RERE: variants seen among roughly 807,000 people sequenced by gnomAD.
The protein encoded by RERE is arginine-glutamic acid dipeptide repeats, also known as arginine-glutamic acid dipeptide repeats protein.
Under a neutral mutation model 146.1 loss-of-function variants are expected in RERE, and 40 were observed. The ratio of observed to expected loss-of-function variants is 0.27; its 90% CI spans 0.21 to 0.36. The LOEUF is 0.36. Ranked by LOEUF, RERE falls within the 10% of genes least tolerant of loss-of-function variation. RERE has a pLI of 1.00. For synonymous variants in RERE, 1,003 were observed against 866.0 expected (o/e 1.16, Z -2.78); for missense variants, 1,933 against 2,138.7 (o/e 0.90, Z 1.90).
At chr1:8,759,256 T>C (rs1310855421) in intron 1 of RERE, among the ~76,000 whole-genome samples, 2 of 152,242 alleles carry the variant, frequency 1.3e-5, no homozygotes, top group African/African-American at 4.8e-5. Flanking sequence ...ACATTAACTG[T>C]AGAATCCTTT....
At chr1:8,389,325 T>C (rs1282546242) in intron 12 of RERE, among the ~76,000 whole-genome samples, 4 of 152,162 alleles carry the variant, frequency 2.6e-5, no homozygotes, top group South Asian at 2.1e-4. Flanking sequence ...AAAAACTAAA[T>C]ACATACACGG....
chr1:8,791,918 A>G (rs918997360), intron 1 of RERE, among the ~76,000 whole-genome samples: 4 of 152,194 alleles, frequency 2.6e-5, no homozygotes, highest in Non-Finnish European at 5.9e-5. Flanking sequence ...CATCAACAGA[A>G]CAGGTGAAGC....
chr1:8,504,657 G>A (rs911506709), intron 8 of RERE, among the ~76,000 whole-genome samples: 1 of 152,152 alleles, frequency 6.6e-6, no homozygotes, highest in Admixed American at 6.5e-5. Context: ...TTCGAGATCA[G>A]CCTGGCCAAC....
Position 8,359,886 on chromosome 1 carries a change from C to A in RERE, c.3496G>T (p.Ala1166Ser). 3.1e-6 allele frequency: 5 copies of A among 1,613,152 alleles called. No individual in the cohort carries two copies. Among genetic ancestry groups the A allele is most frequent in the Non-Finnish European group, 4.2e-6 (5 of 1,180,038 alleles). Residue 1166 changes from alanine (A) to serine (S), a missense_variant, in exon 19 of 23, where the codon GCC becomes TCC. This residue lies in a region of RERE where 1,255 missense variants were observed against 1,153.8 expected (regional missense o/e 1.09). Transcript: ENST00000400908. ...GCCTCGCGCTTGGCCTTCTCAATGGCCTCCTCCCTCTTCTTGGCCAGCTTG... is the reference window on the plus strand; with the variant it reads ...GCCTCGCGCTTGGCCTTCTCAATGGACTCCTCCCTCTTCTTGGCCAGCTTG... Reference protein sequence around the residue: ...GSKLAKKREEAIEKAKREAEQ... With the variant: ...GSKLAKKREESIEKAKREAEQ...
chr1:8,686,344 T>C (rs1395043404), intron 1 of RERE, among the ~76,000 whole-genome samples: 1 of 152,184 alleles, frequency 6.6e-6, no homozygotes, highest in East Asian at 1.9e-4. Context: ...TCAACAAATA[T>C]TTATCAGACA....
At chr1:8,810,272 T>C (rs1444916809) in intron 1 of RERE, among the ~76,000 whole-genome samples, 1 of 151,560 alleles carries the variant, frequency 6.6e-6, no homozygotes, top group East Asian at 1.9e-4. Flanking sequence ...AGTGCTGGGA[T>C]TACAGGCATG....
At chr1:8,804,770 C>T (rs1370875481) in intron 1 of RERE, among the ~76,000 whole-genome samples, 1 of 151,590 alleles carries the variant, frequency 6.6e-6, no homozygotes, top group Non-Finnish European at 1.5e-5. Context: ...GAAAGAGTTA[C>T]ATGTTGAAGG....
At position 8,357,158 on chromosome 1, in the gene RERE, G is replaced by A. The variant is rs183896075; in HGVS notation, c.4340-912C>T. Among the ~76,000 whole-genome samples, 436 of 152,342 alleles carry A rather than the reference G, an allele frequency of 2.9e-3. 4 individuals are homozygous for A. Among genetic ancestry groups the A allele is most frequent in the African/African-American group, 0.01 (417 of 41,576 alleles). On this transcript the variant is annotated intron_variant, in intron 20 of 22. Coordinates refer to ENST00000400908, the MANE Select transcript of RERE (RefSeq NM_001042681.2). ...TTCAACTATCTCCCCAAACTGGAAG[G>A]TAAATGTGGACAGGGGTTCTGCCAG...
chr1:8,660,288 A>G (rs912122990), intron 1 of RERE, among the ~76,000 whole-genome samples: 2 of 152,192 alleles, frequency 1.3e-5, no homozygotes, highest in East Asian at 1.9e-4. Flanking sequence ...ACACATACCA[A>G]TGATGTGACA....
intron 2 of RERE, among the ~76,000 whole-genome samples, chr1:8,627,486 C>T (rs1220416054): frequency 6.6e-6 from 1 of 151,712 alleles, no homozygotes; most frequent in Non-Finnish European, 1.5e-5. Context: ...CCTGTAATCC[C>T]AGCTACTCAG....
chr1:8,569,471 G>A (rs1006519686), intron 4 of RERE, among the ~76,000 whole-genome samples: 2 of 152,150 alleles, frequency 1.3e-5, no homozygotes, highest in Non-Finnish European at 2.9e-5. Flanking sequence ...GGATGTCAAA[G>A]AAAGGGTGGG....
At chr1:8,442,557 T>C (rs896060832) in intron 11 of RERE, among the ~76,000 whole-genome samples, 2 of 152,136 alleles carry the variant, frequency 1.3e-5, no homozygotes, top group Non-Finnish European at 2.9e-5. Context: ...GCCTGCAGAA[T>C]TGTGGGCCAA....
chr1:8,359,768 G>T lies in RERE; in HGVS notation c.3614C>A (p.Ala1205Glu). Residue 1205 changes from alanine to glutamate, a missense_variant, in exon 19 of 23, where the codon GCG (alanine) becomes GAG (glutamate). Physicochemically the swap from Ala to Glu is moderately radical, Grantham distance 107. Around this residue, in one of 11 missense-constraint regions of RERE, gnomAD observed 1,255 missense variants for 1,153.8 expected, o/e 1.09. Coordinates refer to ENST00000400908, the MANE Select transcript of RERE (RefSeq NM_001042681.2). ...EREREREAER[A>E]AKASSSAHEG... Reference sequence around the variant, plus strand: ...CCTCGCCAACCCTGGACTCACAGCCGCCCGCTCTGCCTCGCGCTCCCGCTC... The same window carrying T: ...CCTCGCCAACCCTGGACTCACAGCCTCCCGCTCTGCCTCGCGCTCCCGCTC... 6.3e-7 allele frequency: 1 copy of T among 1,599,478 alleles called. No homozygotes were observed. The highest frequency in any genetic ancestry group is 8.5e-7 in the Non-Finnish European group (1 of 1,179,126).
intron 1 of RERE, among the ~76,000 whole-genome samples, chr1:8,667,151 T>A (rs549488550): frequency 6.6e-6 from 1 of 152,240 alleles, no homozygotes; most frequent in Non-Finnish European, 1.5e-5. Flanking sequence ...CTCTAATAAA[T>A]AAGGCTTCTC....
chr1:8,363,689 A>C, intron 15 of RERE: 1 of 230,126 alleles, frequency 4.3e-6, no homozygotes, highest in African/African-American at 2.3e-5. Context: ...ATTTAAAAAA[A>C]ATCACAAACA....
At position 8,358,796 on chromosome 1, in the gene RERE, C is replaced by T. The variant is rs746770127; in HGVS notation, c.3739G>A (p.Gly1247Arg). The change falls in exon 20 of 23, where the codon GGG becomes AGG. Residue 1247 changes from glycine (G) to arginine (R), a missense_variant. By Grantham distance (125) the Gly-to-Arg change is moderately radical. Around this residue, in one of 11 missense-constraint regions of RERE, gnomAD observed 1,255 missense variants for 1,153.8 expected, o/e 1.09. Transcript: ENST00000400908. Reference protein sequence around the residue: ...TTIAAVPPYIGPDTPALRTLS... With the variant: ...TTIAAVPPYIRPDTPALRTLS... Reference sequence around the variant, plus strand: ...GTCCGAAGGGCAGGTGTGTCGGGCCCGATGTAGGGGGGCACAGCAGCAATG... The same window carrying T: ...GTCCGAAGGGCAGGTGTGTCGGGCCTGATGTAGGGGGGCACAGCAGCAATG... The T allele has an allele frequency of 3.1e-6, 5 of 1,612,436 alleles. No homozygotes were observed. The highest frequency in any genetic ancestry group is 2.2e-5 in the East Asian group (1 of 44,842).
At chr1:8,483,671 A>G (rs915952126) in intron 10 of RERE, among the ~76,000 whole-genome samples, 3 of 152,356 alleles carry the variant, frequency 2.0e-5, no homozygotes, top group African/African-American at 7.2e-5. Context: ...CTAGGGTTAG[A>G]AAACACAAAT....
At chr1:8,392,659 C>T (rs1257829573) in intron 12 of RERE, among the ~76,000 whole-genome samples, 1 of 152,134 alleles carries the variant, frequency 6.6e-6, no homozygotes, top group East Asian at 1.9e-4. Context: ...CAGTAGAGTC[C>T]ATCTATGAGG....
intron 1 of RERE, among the ~76,000 whole-genome samples, chr1:8,703,410 G>A (rs1197179015): frequency 1.3e-5 from 2 of 151,736 alleles, no homozygotes. Context: ...CGGTGACCCA[G>A]ACGCCGGGAG....
Sources: allele counts gnomAD v4.1 joint callset (sites outside exome capture counted in the v4.1 genomes callset), GRCh38; gene constraint gnomAD v4.1.1; regional missense constraint gnomAD v4.1.1; transcripts MANE v1.5; gene names NCBI Gene and HGNC (gene_info 2026-07-23, HGNC 2026-07-21).